The following ZNF454 variants were observed in gnomAD, a reference collection of about 807,000 sequenced individuals.
The protein encoded by ZNF454 is zinc finger protein 454.
Under a neutral mutation model 48.2 loss-of-function variants are expected in ZNF454, and 30 were observed. That is an observed-to-expected ratio of 0.62 (90% CI 0.47 to 0.84). The LOEUF is 0.84. Among genes scored for constraint, ZNF454 ranks in the 40% least tolerant of loss-of-function variants. The pLI is 0.00. For synonymous variants in ZNF454, 204 were observed against 211.4 expected (o/e 0.97, Z 0.30); for missense variants, 510 against 623.1 (o/e 0.82, Z 1.93).
At chr5:178,967,397 T>C (rs890564002), downstream of ZNF454, among the ~76,000 whole-genome samples, 1 of 152,224 alleles carries the variant, frequency 6.6e-6, no homozygotes, top group African/African-American at 2.4e-5. Context: ...TTAGAGTACA[T>C]TTACTACTCC....
chr5:178,957,838 A>AT, intron 4 of ZNF454, among the ~76,000 whole-genome samples: 1 of 152,326 alleles, frequency 6.6e-6, no homozygotes, highest in South Asian at 2.1e-4. Context: ...ACCGGGATGC[A>AT]TTTGACTCCC....
the ZNF454 span, chr5:178,982,700 A>AC: frequency 9.5e-5 from 48 of 506,088 alleles, 1 homozygote; most frequent in African/African-American, 8.1e-4. Context: ...GATAAAAAAA[A>AC]AAAAGAAAAA....
In ZNF454 at chr5:178,941,222, CATTGT is replaced by C; in HGVS notation, c.-329_-325del. 1 of 377,028 alleles carries C rather than the reference CATTGT, an allele frequency of 2.7e-6. No individual in the cohort carries two copies. Among genetic ancestry groups the C allele is most frequent in the Non-Finnish European group, 5.3e-6 (1 of 188,950 alleles). 23.4% of individuals were successfully genotyped at this position (377,028 alleles called of 1,614,324 possible). A position where few individuals can be genotyped will look rare whatever the true frequency, so the allele number is the denominator to read the frequency against. ...CGGCTCCCGGCTGCAGACTCCAGCT[CATTGT>C]GTTCTGACTGCGATGTGGCGCTTGC... is the stretch of plus-strand genomic sequence containing the variant. On this transcript the variant is annotated 5_prime_UTR_variant, in exon 1 of 5. Transcript: ENST00000519564. This position sits in a 1 kb window ranked among gnomAD's most constrained non-coding sequence, Gnocchi z 5.5.
At chr5:178,969,192 G>A (rs1760207421), downstream of ZNF454, among the ~76,000 whole-genome samples, 1 of 152,186 alleles carries the variant, frequency 6.6e-6, no homozygotes, top group Non-Finnish European at 1.5e-5. Context: ...GACACTGCCT[G>A]AGTCCCAGGC....
In ZNF454 at chr5:178,965,488, G is replaced by C; in HGVS notation, c.1084G>C (p.Gly362Arg). Residue 362 changes from glycine to arginine, a missense_variant, in exon 5 of 5, where the codon GGG becomes CGG. Coordinates refer to ENST00000519564, the MANE Select transcript of ZNF454 (RefSeq NM_001178089.3). This position sits in a 1 kb window ranked among gnomAD's most constrained non-coding sequence, Gnocchi z 5.2. ...GAAACCCTTTGAATGTAATGAATGTGGGAAGGCCTTCAGGGTGAACTCTTC... is the reference window on the plus strand; with the variant it reads ...GAAACCCTTTGAATGTAATGAATGTCGGAAGGCCTTCAGGGTGAACTCTTC... ...GEKPFECNEC[G>R]KAFRVNSSLT... 1 of 1,614,126 alleles carries C rather than the reference G, an allele frequency of 6.2e-7. No individual in the cohort carries two copies. The highest frequency in any genetic ancestry group is 1.3e-5 in the African/African-American group (1 of 75,024).
the ZNF454 span, among the ~76,000 whole-genome samples, chr5:178,977,815 C>T: frequency 6.6e-6 from 1 of 152,136 alleles, no homozygotes; most frequent in Non-Finnish European, 1.5e-5. Flanking sequence ...GAACTCCTGG[C>T]CTCAAGTGAT....
downstream of ZNF454, among the ~76,000 whole-genome samples, chr5:178,970,864 G>A (rs118143484): frequency 7.1e-4 from 108 of 152,304 alleles, no homozygotes; most frequent in East Asian, 0.02. Context: ...ATGGCCAAAA[G>A]CATTCCAAGT....
intron 4 of ZNF454, among the ~76,000 whole-genome samples, chr5:178,958,131 A>G (rs922366075): frequency 2.0e-5 from 3 of 152,190 alleles, no homozygotes; most frequent in African/African-American, 7.2e-5. Flanking sequence ...TTCTATATAC[A>G]TCTTTATACT....
the ZNF454 span, chr5:178,985,407 A>C: frequency 6.0e-6 from 2 of 335,968 alleles, no homozygotes; most frequent in East Asian, 8.8e-5. Context: ...GTGGCCTTAA[A>C]AAAAAAAAAA....
intron 4 of ZNF454, among the ~76,000 whole-genome samples, chr5:178,949,628 T>C (rs1256731175): frequency 6.6e-6 from 1 of 152,142 alleles, no homozygotes; most frequent in Non-Finnish European, 1.5e-5. Context: ...TTTTTGTTGT[T>C]GTTTTTTGAG....
At chr5:178,985,638 G>A in the ZNF454 span, 1 of 377,608 alleles carries the variant, frequency 2.6e-6, no homozygotes, top group Non-Finnish European at 5.2e-6. Context: ...GGAAGGCAGA[G>A]CTTGCAGGGA....
chr5:178,969,687 GA>G (rs1397371451), downstream of ZNF454: 1 of 456,142 alleles, frequency 2.2e-6, no homozygotes, highest in East Asian at 7.0e-5. Context: ...CTGGGCCATA[GA>G]AAAAGGTAAG....
At chr5:178,970,988 A>G (rs1760226142), downstream of ZNF454, among the ~76,000 whole-genome samples, 3 of 152,170 alleles carry the variant, frequency 2.0e-5, no homozygotes, top group Admixed American at 2.0e-4. Flanking sequence ...GTTTCCCATC[A>G]CCGGGGCCAG....
the ZNF454 span, chr5:178,979,311 C>A: frequency 1.3e-5 from 2 of 152,166 alleles, no homozygotes; most frequent in African/African-American, 4.8e-5. Flanking sequence ...TGTGGAAAAG[C>A]CCTCTTGTGG....
chr5:178,941,462 T>G lies in ZNF454; in HGVS notation c.-108+18T>G, dbSNP rs760074133. ...CCCGGAATGTATGTCTGAGATTTGA[T>G]CCCAGAGAGGGAGGACGGCCAGGGG... is the stretch of plus-strand genomic sequence containing the variant. On this transcript the variant is annotated intron_variant, in intron 1 of 4. Transcript: ENST00000519564. The surrounding 1 kb of genome is among the most constrained non-coding windows in gnomAD (Gnocchi z 5.5). 2.3e-6 allele frequency: 1 copy of G among 433,602 alleles called. No individual in the cohort carries two copies. The highest frequency in any genetic ancestry group is 1.6e-5 in the South Asian group (1 of 63,614). The allele number at this position is 433,602 out of a possible 1,614,324, so 26.9% of individuals were successfully genotyped here. A position where few individuals can be genotyped will look rare whatever the true frequency, so the allele number is the denominator to read the frequency against.
At chr5:178,953,104 T>C (rs2113223791) in intron 4 of ZNF454, among the ~76,000 whole-genome samples, 1 of 150,568 alleles carries the variant, frequency 6.6e-6, no homozygotes, top group Non-Finnish European at 1.5e-5. Flanking sequence ...AAGTGACATG[T>C]TTGTGTTGCT....
At chr5:178,982,777 A>C in the ZNF454 span, 1 of 688,292 alleles carries the variant, frequency 1.5e-6, no homozygotes, top group Admixed American at 2.1e-5. Context: ...CAAAGTAAGA[A>C]GGGAATGAGT....
the ZNF454 span, chr5:178,985,997 G>C: frequency 7.6e-6 from 6 of 794,258 alleles, no homozygotes; most frequent in South Asian, 7.2e-5. Flanking sequence ...CCTGGACTCA[G>C]GTGATCCACC....
the ZNF454 span, chr5:178,986,102 C>T: frequency 6.2e-7 from 1 of 1,605,250 alleles, no homozygotes; most frequent in Admixed American, 1.7e-5. Context: ...CCCTCCCTGC[C>T]CTGGCCCTTG....
Sources: allele counts gnomAD v4.1 joint callset (sites outside exome capture counted in the v4.1 genomes callset), GRCh38; gene constraint gnomAD v4.1.1; non-coding constraint Gnocchi (gnomAD v3.1); transcripts MANE v1.5; gene names NCBI Gene and HGNC (gene_info 2026-07-23, HGNC 2026-07-21).